IRF4: variants seen among roughly 807,000 people sequenced by gnomAD.
IRF4 encodes interferon regulatory factor 4.
In IRF4, 13 loss-of-function variants were observed where a neutral mutation model predicts 55.5. The observed-to-expected ratio is 0.23, with a 90% CI of 0.15 to 0.37. IRF4 has a LOEUF of 0.37. IRF4 is among the 10% of genes least tolerant of loss of function. The probability of loss-of-function intolerance (pLI) is 1.00; values close to 1 mark genes in which losing one functional copy is unlikely to be tolerated. For synonymous variants in IRF4, 249 were observed against 240.7 expected (o/e 1.03, Z -0.32); for missense variants, 397 against 593.8 (o/e 0.67, Z 3.44).
At chr6:397,378 G>A in intron 5 of IRF4, 126 bp downstream of exon 5, 1 of 1,157,862 alleles carries the variant, frequency 8.6e-7, no homozygotes, top group Non-Finnish European at 1.2e-6. Context: ...TGCGTGTGCA[G>A]CTCGGGGAGA....
At position 408,645 on chromosome 6, in the gene IRF4, C is replaced by T. The variant is rs942301094; in HGVS notation, c.*1047C>T. 9.6e-5 allele frequency: 22 copies of T among 229,392 alleles called. No individual in the cohort carries two copies. The highest frequency in any genetic ancestry group is 4.7e-4 in the African/African-American group (21 of 45,094). 14.2% of individuals were successfully genotyped at this position (229,392 alleles called of 1,614,324 possible). ...TAAATCTTAATACTTGAACTGTTGC[C>T]CTTCTGTCCAAGTACTTAACTATCT... is the stretch of plus-strand genomic sequence containing the variant. On this transcript the variant is annotated 3_prime_UTR_variant, in exon 9 of 9. Transcript: ENST00000380956.
chr6:392,179 C>A (rs1266580644), intron 1 of IRF4, among the ~76,000 whole-genome samples: 4 of 152,254 alleles, frequency 2.6e-5, no homozygotes, highest in Admixed American at 2.6e-4. Context: ...GAGAAACAGG[C>A]CCGGCCCTGT....
At chr6:391,900 C>G in intron 1 of IRF4, 91 bp downstream of exon 1, 1 of 449,916 alleles carries the variant, frequency 2.2e-6, no homozygotes, top group South Asian at 1.6e-5. Context: ...TCCAGGGCAG[C>G]GCAGGGTACC....
chr6:393,139 A>T lies in IRF4; in HGVS notation c.-14A>T, dbSNP rs1761160603. The T allele has an allele frequency of 6.5e-7, 1 of 1,545,984 alleles. No individual in the cohort carries two copies. Among genetic ancestry groups the T allele is most frequent in the Admixed American group, 2.0e-5 (1 of 50,790 alleles). On this transcript the variant is annotated 5_prime_UTR_variant, in exon 2 of 9. Transcript: ENST00000380956. This position sits in a 1 kb window ranked among gnomAD's most constrained non-coding sequence, Gnocchi z 5.4. ...CGGAGGACCCCGGGCGCGGGCGCGG[A>T]CGGCACGCGGGGCATGAACCTGGAG...
At chr6:396,020 C>A in intron 4 of IRF4, 85 bp downstream of exon 4, 1 of 1,082,890 alleles carries the variant, frequency 9.2e-7, no homozygotes, top group East Asian at 2.5e-5. Context: ...GCAGCCCAGA[C>A]AGCAGAACTT....
chr6:397,355 C>G, intron 5 of IRF4, 103 bp downstream of exon 5: 1 of 1,397,678 alleles, frequency 7.2e-7, no homozygotes, highest in Non-Finnish European at 9.8e-7. Context: ...AGCTCTTTCC[C>G]CTTCTTAGAG....
At chr6:395,686 A>C (rs1761232645) in intron 3 of IRF4, among the ~76,000 whole-genome samples, 161 bp from the exon 4 acceptor site, 1 of 152,256 alleles carries the variant, frequency 6.6e-6, no homozygotes, top group Non-Finnish European at 1.5e-5. Flanking sequence ...TAGCATGAAA[A>C]AATAACTTCC....
chr6:401,848 G>A, intron 7 of IRF4, 71 bp downstream of exon 7: 2 of 1,405,462 alleles, frequency 1.4e-6, no homozygotes, highest in Non-Finnish European at 2.0e-6. Context: ...AGAAACCACA[G>A]GGTCCCTCCC....
At chr6:403,080 T>C (rs1307080793) in intron 7 of IRF4, among the ~76,000 whole-genome samples, 1 of 152,076 alleles carries the variant, frequency 6.6e-6, no homozygotes, top group Non-Finnish European at 1.5e-5. Flanking sequence ...AGGCTGACCA[T>C]AGGAAGAGGG....
At chr6:399,828 C>CT (rs1280038729) in intron 6 of IRF4, among the ~76,000 whole-genome samples, 2 of 152,204 alleles carry the variant, frequency 1.3e-5, no homozygotes, top group African/African-American at 4.8e-5. Flanking sequence ...GTGAATGAGG[C>CT]TTGCACCTTT....
intron 4 of IRF4, 124 bp downstream of exon 4, chr6:396,059 C>T (rs1761247050): frequency 2.9e-6 from 2 of 689,124 alleles, no homozygotes; most frequent in Admixed American, 2.8e-5. Context: ...TCCAACAGCC[C>T]AGAAAAACCC....
In IRF4 at chr6:399,002, T is replaced by C. The variant is rs76757590; in HGVS notation, c.745+67T>C. On this transcript the variant is annotated intron_variant, in intron 6 of 8. Coordinates refer to ENST00000380956, the MANE Select transcript of IRF4 (RefSeq NM_002460.4). Reference sequence around the variant, plus strand: ...GCCTCTGCTGCCAGCTCTGTCATCTTTGGGCAGATTCGATGGGACTTTAGA... The same window carrying C: ...GCCTCTGCTGCCAGCTCTGTCATCTCTGGGCAGATTCGATGGGACTTTAGA... 2.2e-3 allele frequency: 2,496 copies of C among 1,118,600 alleles called. 50 individuals are homozygous for C. The African/African-American group carries it at 0.034, about 15-fold the overall frequency. The allele number at this position is 1,118,600 out of a possible 1,614,324, so 69.3% of individuals were successfully genotyped here.
chr6:404,145 C>T (rs996763773), intron 7 of IRF4, among the ~76,000 whole-genome samples: 5 of 152,318 alleles, frequency 3.3e-5, no homozygotes, highest in East Asian at 3.9e-4. Context: ...GAAGCTGTAG[C>T]GGCTCCTGTG....
rs1761155030 is a variant in IRF4 at position 393,051 on chromosome 6, C to T, written c.-55-47C>T. The T allele has an allele frequency of 3.6e-6, 4 of 1,114,024 alleles. No individual in the cohort carries two copies. The South Asian group carries it at 6.2e-5, about 17-fold the overall frequency. The allele number at this position is 1,114,024 out of a possible 1,614,324, so 69.0% of individuals were successfully genotyped here. A position where few individuals can be genotyped will look rare whatever the true frequency, so the allele number is the denominator to read the frequency against. On this transcript the variant is annotated intron_variant, in intron 1 of 8. Transcript: ENST00000380956. This position sits in a 1 kb window ranked among gnomAD's most constrained non-coding sequence, Gnocchi z 5.4. ...GGCGCAGGGGATCGGGGCGGGGTGC[C>T]CGGAGTGCGGTGCCTCGTGGCTGAA...
intron 6 of IRF4, 45 bp from the exon 7 acceptor site, chr6:401,379 G>T (rs375273531): frequency 6.8e-7 from 1 of 1,468,942 alleles, no homozygotes; most frequent in Non-Finnish European, 9.4e-7. Context: ...CCTCGAGGTG[G>T]TGTCCTTGGC....
At chr6:392,924 C>A (rs950207692) in intron 1 of IRF4, among the ~76,000 whole-genome samples, 174 bp from the exon 2 acceptor site, 5 of 142,046 alleles carry the variant, frequency 3.5e-5, no homozygotes, top group African/African-American at 9.4e-5. Context: ...GGGGATGCGC[C>A]CGGGCCGGCC....
At chr6:396,822 T>C (rs1414934931) in intron 4 of IRF4, among the ~76,000 whole-genome samples, 3 of 93,544 alleles carry the variant, frequency 3.2e-5, no homozygotes, top group Non-Finnish European at 5.7e-5. Context: ...GTGCTTCTTA[T>C]CTCAGCCTCT....
Position 409,460 on chromosome 6 carries a change from A to G in IRF4, c.*1862A>G, listed in dbSNP as rs563222890. On this transcript the variant is annotated 3_prime_UTR_variant, in exon 9 of 9. Transcript: ENST00000380956. The stretch of plus-strand genomic sequence containing the variant: ...TACATAAACTTAAAAAGAAAACCTC[A>G]TGGAGTCATCTTGCACACACTTTCA... The G allele has an allele frequency of 1.5e-3, 320 of 209,940 alleles. No individual in the cohort carries two copies. The highest frequency in any genetic ancestry group is 3.2e-3 in the Middle Eastern group (2 of 634). 13.0% of individuals were successfully genotyped at this position (209,940 alleles called of 1,614,324 possible).
intron 7 of IRF4, among the ~76,000 whole-genome samples, chr6:402,460 C>T (rs911867303): frequency 6.7e-6 from 1 of 149,562 alleles, no homozygotes; most frequent in Admixed American, 6.6e-5. Flanking sequence ...AGCTGCTCTA[C>T]CCGCCACTCG....
Sources: gnomAD v4.1 joint callset for allele counts (sites outside exome capture counted in the v4.1 genomes callset) on GRCh38, gnomAD v4.1.1 for gene constraint, Gnocchi (gnomAD v3.1) non-coding constraint, MANE v1.5 for transcripts, NCBI Gene and HGNC (gene_info 2026-07-23, HGNC 2026-07-21) for gene names.